RGL1: variants seen among roughly 807,000 people sequenced by gnomAD.
RGL1 encodes ral guanine nucleotide dissociation stimulator like 1.
In RGL1, 24 loss-of-function variants were observed where a neutral mutation model predicts 95.2. The ratio of observed to expected loss-of-function variants is 0.25; its 90% CI spans 0.18 to 0.35. RGL1 has a LOEUF of 0.35. Among genes scored for constraint, RGL1 ranks in the 10% least tolerant of loss-of-function variants. RGL1 has a pLI of 1.00. For missense variants in RGL1, 715 were observed against 936.3 expected (o/e 0.76, Z 3.08); for synonymous variants, 329 against 344.9 (o/e 0.95, Z 0.51).
At chr1:183,885,701 A>ACAGCAAAACAGACAGGGAGAAAGTCC in intron 7 of RGL1, among the ~76,000 whole-genome samples, 1 of 152,196 alleles carries the variant, frequency 6.6e-6, no homozygotes, top group Non-Finnish European at 1.5e-5. Flanking sequence ...TACTTAGGGG[A>ACAGCAAAACAGACAGGGAGAAAGTCC]CATACTAGGA....
chr1:183,638,385 C>T (rs1416966411), intron 1 of RGL1, among the ~76,000 whole-genome samples: 1 of 152,130 alleles, frequency 6.6e-6, no homozygotes, highest in Non-Finnish European at 1.5e-5. Flanking sequence ...GTGCCTAGTA[C>T]ATAATAGGTA....
At chr1:183,681,618 A>G (rs1040360973) in intron 1 of RGL1, among the ~76,000 whole-genome samples, 1 of 152,304 alleles carries the variant, frequency 6.6e-6, no homozygotes, top group Non-Finnish European at 1.5e-5. Flanking sequence ...TTCATCAAAG[A>G]TATTGGCCTG....
In RGL1 at chr1:183,706,008, C is replaced by A. The variant is rs189141721; in HGVS notation, c.-32-36118C>A. 5.3e-5 allele frequency among the ~76,000 whole-genome samples: 8 copies of A among 152,120 alleles called. No homozygotes were observed. In the East Asian group the frequency reaches 1.5e-3, roughly 29 times the overall value. ...ATTGAGGGTGTGGAAGTATCCCAAACAGTGGGGTTAACTATGGATGGGGGA... is the reference window on the plus strand; with the variant it reads ...ATTGAGGGTGTGGAAGTATCCCAAAAAGTGGGGTTAACTATGGATGGGGGA... On this transcript the variant is annotated intron_variant, in intron 1 of 18. Transcript: ENST00000304685.
At chr1:183,889,626 A>G (rs1190391618) in intron 8 of RGL1, among the ~76,000 whole-genome samples, 2 of 152,230 alleles carry the variant, frequency 1.3e-5, no homozygotes, top group South Asian at 2.1e-4. Context: ...AATGAGTGCC[A>G]GAATCCTCAA....
At chr1:183,921,929 C>T (rs181283173) in intron 16 of RGL1, among the ~76,000 whole-genome samples, 52 of 152,314 alleles carry the variant, frequency 3.4e-4, no homozygotes, top group African/African-American at 4.3e-4. Context: ...TATTCTTTCA[C>T]GGGAACTTCA....
chr1:183,744,695 GTT>G (rs1310953349), intron 2 of RGL1, among the ~76,000 whole-genome samples: 2 of 151,808 alleles, frequency 1.3e-5, no homozygotes, highest in African/African-American at 4.8e-5. Flanking sequence ...TCTACAGCTT[GTT>G]TTTTTGTTTC....
chr1:183,759,481 C>T lies in RGL1; in HGVS notation c.132+17192C>T, dbSNP rs550247706. On this transcript the variant is annotated intron_variant, in intron 2 of 18. Transcript: ENST00000304685. ...TTAATTTGCACATCAAAGGTATGCT[C>T]TCTGACTTTTGTTATCTTTAAGAAT... Among the ~76,000 whole-genome samples the T allele has an allele frequency of 3.9e-4, 59 of 152,318 alleles. 1 individual carries two copies. Among genetic ancestry groups the T allele is most frequent in the African/African-American group, 1.4e-3 (59 of 41,580 alleles).
intron 1 of RGL1, among the ~76,000 whole-genome samples, chr1:183,665,927 T>C (rs969965150): frequency 1.3e-5 from 2 of 152,040 alleles, no homozygotes; most frequent in Admixed American, 6.5e-5. Context: ...TTCTGCTTAC[T>C]TTGAATTTAA....
chr1:183,653,565 G>T (rs529721444), intron 1 of RGL1, among the ~76,000 whole-genome samples: 1 of 152,226 alleles, frequency 6.6e-6, no homozygotes, highest in Non-Finnish European at 1.5e-5. Flanking sequence ...TAGAGTAGGT[G>T]CCAGGCCTGG....
chr1:183,856,424 A>T (rs1300031631), intron 3 of RGL1, among the ~76,000 whole-genome samples: 1 of 151,820 alleles, frequency 6.6e-6, no homozygotes, highest in Admixed American at 6.6e-5. Flanking sequence ...ATTTTGAAAA[A>T]TTTCCTATAT....
chr1:183,746,861 G>T (rs889208843), intron 2 of RGL1, among the ~76,000 whole-genome samples: 1 of 151,872 alleles, frequency 6.6e-6, no homozygotes, highest in Admixed American at 6.6e-5. Flanking sequence ...GTGTTCTCAA[G>T]TTCTCATTGT....
intron 1 of RGL1, among the ~76,000 whole-genome samples, chr1:183,668,954 T>TTTTTTG (rs1438275737): frequency 6.7e-6 from 1 of 148,752 alleles, no homozygotes. Flanking sequence ...TTTTTTTTTT[T>TTTTTTG]TGAGATGGAG....
chr1:183,727,786 T>C (rs1000214378), intron 1 of RGL1, among the ~76,000 whole-genome samples: 2 of 152,224 alleles, frequency 1.3e-5, no homozygotes, highest in Non-Finnish European at 2.9e-5. Flanking sequence ...ATTGCATTTC[T>C]ATATATTAGC....
intron 2 of RGL1, among the ~76,000 whole-genome samples, chr1:183,833,113 C>T (rs964195618): frequency 6.6e-6 from 1 of 152,120 alleles, no homozygotes; most frequent in Non-Finnish European, 1.5e-5. Context: ...GACATAAGTG[C>T]TAGTAATACC....
At chr1:183,660,846 T>G (rs896766436) in intron 1 of RGL1, among the ~76,000 whole-genome samples, 2 of 152,128 alleles carry the variant, frequency 1.3e-5, no homozygotes, top group African/African-American at 4.8e-5. Context: ...TCAGAAATTA[T>G]AACAAACTGT....
intron 1 of RGL1, among the ~76,000 whole-genome samples, chr1:183,659,585 T>C (rs1321545006): frequency 0.013 from 1,904 of 152,138 alleles, 42 homozygotes; most frequent in African/African-American, 0.044. Flanking sequence ...GTCTGATTGG[T>C]GTACCTGAAA....
At chr1:183,794,818 T>G (rs1277939346) in intron 2 of RGL1, among the ~76,000 whole-genome samples, 1 of 152,196 alleles carries the variant, frequency 6.6e-6, no homozygotes, top group African/African-American at 2.4e-5. Context: ...CCTGGTCCTT[T>G]AAGAGCGAGT....
At chr1:183,750,722 A>G (rs967369856) in intron 2 of RGL1, among the ~76,000 whole-genome samples, 4 of 152,166 alleles carry the variant, frequency 2.6e-5, no homozygotes, top group African/African-American at 9.7e-5. Flanking sequence ...TTTGATGCTG[A>G]TGACCTTTGG....
At chr1:183,645,369 C>G (rs1288212637) in intron 1 of RGL1, among the ~76,000 whole-genome samples, 1 of 152,176 alleles carries the variant, frequency 6.6e-6, no homozygotes, top group African/African-American at 2.4e-5. Flanking sequence ...ACCCCCAAAC[C>G]CTGGACCTTG....
Sources: allele counts gnomAD v4.1 joint callset (sites outside exome capture counted in the v4.1 genomes callset), GRCh38; gene constraint gnomAD v4.1.1; transcripts MANE v1.5; gene names NCBI Gene and HGNC (gene_info 2026-07-23, HGNC 2026-07-21).